Variants in GPR141 observed in about 807,000 individuals in gnomAD.
GPR141 encodes G protein-coupled receptor 141.
GPR141 carries 6 observed loss-of-function variants against 6.8 expected under a neutral mutation model. The observed-to-expected ratio is 0.88, with a 90% CI of 0.48 to 1.74. The LOEUF (loss-of-function observed/expected upper bound fraction) is 1.74. Ranked by LOEUF, GPR141 falls within the 40% of genes most tolerant of loss-of-function variation. The pLI is 0.01. For missense variants in GPR141, 372 were observed against 372.9 expected (o/e 1.00, Z 0.02); for synonymous variants, 140 against 142.3 (o/e 0.98, Z 0.11).
chr7:37,716,265 G>A (rs939458911), intron 2 of GPR141, among the ~76,000 whole-genome samples: 1 of 152,172 alleles, frequency 6.6e-6, no homozygotes, highest in Non-Finnish European at 1.5e-5. Context: ...ATTATGGAGA[G>A]GGAGGAGCTA....
intron 2 of GPR141, among the ~76,000 whole-genome samples, chr7:37,739,929 A>G (rs1812442631): frequency 6.6e-6 from 1 of 152,204 alleles, no homozygotes; most frequent in African/African-American, 2.4e-5. Context: ...TTCTTGGGTC[A>G]TTTGCTAATA....
intron 2 of GPR141, among the ~76,000 whole-genome samples, chr7:37,689,075 C>G (rs1333766293): frequency 6.6e-6 from 1 of 152,154 alleles, no homozygotes; most frequent in African/African-American, 2.4e-5. Context: ...CTTTCCTTCT[C>G]TCAGGCCCCT....
At chr7:37,697,603 C>T (rs1308346139) in intron 2 of GPR141, among the ~76,000 whole-genome samples, 2 of 152,104 alleles carry the variant, frequency 1.3e-5, no homozygotes, top group Admixed American at 1.3e-4. Context: ...GGAGGGAGAT[C>T]AGTGAAGGTG....
intron 2 of GPR141, among the ~76,000 whole-genome samples, chr7:37,707,873 T>A (rs1483206684): frequency 6.6e-6 from 1 of 152,082 alleles, no homozygotes; most frequent in Admixed American, 6.6e-5. Flanking sequence ...AACAATTACA[T>A]TGCAATGCTA....
chr7:37,719,549 A>G (rs979169837), intron 2 of GPR141, among the ~76,000 whole-genome samples: 20 of 152,200 alleles, frequency 1.3e-4, no homozygotes, highest in Non-Finnish European at 2.6e-4. Context: ...AAATGATTCT[A>G]GCAACTTAGT....
At chr7:37,691,645 G>A (rs933446326) in intron 2 of GPR141, among the ~76,000 whole-genome samples, 5 of 152,104 alleles carry the variant, frequency 3.3e-5, no homozygotes, top group African/African-American at 7.2e-5. Flanking sequence ...GCATGTTTTC[G>A]TGATGATTGT....
At chr7:37,736,002 T>C (rs1484210348) in intron 2 of GPR141, among the ~76,000 whole-genome samples, 1 of 152,168 alleles carries the variant, frequency 6.6e-6, no homozygotes, top group Admixed American at 6.5e-5. Flanking sequence ...CTCACACCTG[T>C]AATCCCAGCA....
At chr7:37,728,992 T>G (rs1273306557) in intron 2 of GPR141, among the ~76,000 whole-genome samples, 1 of 152,148 alleles carries the variant, frequency 6.6e-6, no homozygotes, top group African/African-American at 2.4e-5. Flanking sequence ...GTTGTTTAGC[T>G]GTACATTTGG....
Position 37,734,186 on chromosome 7 carries a change from CAATT to C in GPR141, c.-14-6190_-14-6187del, listed in dbSNP as rs536781692. 7.9e-5 allele frequency among the ~76,000 whole-genome samples: 12 copies of C among 152,232 alleles called. No individual in the cohort carries two copies. The East Asian group carries it at 9.7e-4, about 12-fold the overall frequency. ...AGACTGTCCCAACTCATTAATTACTCAATTAATCAATATTAATTATTATGTTGTA... is the reference window on the plus strand; with the variant it reads ...AGACTGTCCCAACTCATTAATTACTCAATCAATATTAATTATTATGTTGTA... On this transcript the variant is annotated intron_variant, in intron 2 of 2. Coordinates refer to ENST00000334425, the MANE Select transcript of GPR141 (RefSeq NM_001381946.1).
rs151135251 is a variant in GPR141 at position 37,692,934 on chromosome 7, C to T, written c.-15+7351C>T. On this transcript the variant is annotated intron_variant, in intron 2 of 2. Coordinates refer to ENST00000334425, the MANE Select transcript of GPR141 (RefSeq NM_001381946.1). ...TGGATAGATTGCAAAAATTTTCTCC[C>T]ATTCTGAAGGTTGTCTTTTCACTCT... Among the ~76,000 whole-genome samples, 69 of 152,286 alleles carry T rather than the reference C, an allele frequency of 4.5e-4. 1 individual carries two copies. Among genetic ancestry groups the T allele is most frequent in the African/African-American group, 1.5e-3 (64 of 41,572 alleles).
At chr7:37,699,720 T>C (rs1190989865) in intron 2 of GPR141, among the ~76,000 whole-genome samples, 1 of 152,264 alleles carries the variant, frequency 6.6e-6, no homozygotes, top group African/African-American at 2.4e-5. Context: ...TTTTTAAAAA[T>C]GTATTGAACA....
At chr7:37,739,137 G>C (rs1272538718) in intron 2 of GPR141, among the ~76,000 whole-genome samples, 1 of 152,140 alleles carries the variant, frequency 6.6e-6, no homozygotes, top group East Asian at 1.9e-4. Flanking sequence ...ATGTGTTTGA[G>C]ATTCATCAGT....
chr7:37,688,936 A>G (rs899928937), intron 2 of GPR141, among the ~76,000 whole-genome samples: 4 of 152,130 alleles, frequency 2.6e-5, no homozygotes, highest in African/African-American at 7.2e-5. Flanking sequence ...CATTTTAAAT[A>G]TTTTACCAGA....
In GPR141 at chr7:37,740,915, T is replaced by A; in HGVS notation, c.522T>A (p.Ala174=). Residue 174 remains alanine, a synonymous_variant, in exon 3 of 3, where the codon GCT becomes GCA. Coordinates refer to ENST00000334425, the MANE Select transcript of GPR141 (RefSeq NM_001381946.1). ...GTTTTAAATTTCACAAAGAGCTTGC[T>A]TACACATATGTGAAAATCATCAACT... The part of the protein sequence containing the change: ...EHCFKFHKEL[A]YTYVKIINYM... The A allele has an allele frequency of 6.2e-7, 1 of 1,614,136 alleles. No individual in the cohort carries two copies. Among genetic ancestry groups the A allele is most frequent in the Non-Finnish European group, 8.5e-7 (1 of 1,179,988 alleles).
intron 2 of GPR141, among the ~76,000 whole-genome samples, chr7:37,712,091 C>G (rs1018616587): frequency 2.0e-5 from 3 of 152,132 alleles, no homozygotes; most frequent in Non-Finnish European, 4.4e-5. Flanking sequence ...TTTCTCATCT[C>G]CCGTTACTTG....
At chr7:37,738,244 G>C (rs2718037) in intron 2 of GPR141, among the ~76,000 whole-genome samples, 32,295 of 152,094 alleles carry the variant, frequency 0.21, 4,171 homozygotes, top group Non-Finnish European at 0.29. Flanking sequence ...CTGAAACATC[G>C]AAGATGTGTT....
chr7:37,713,050 A>G (rs1810883366), intron 2 of GPR141, among the ~76,000 whole-genome samples: 1 of 152,250 alleles, frequency 6.6e-6, no homozygotes, highest in Non-Finnish European at 1.5e-5. Context: ...CCAGAGCCAC[A>G]AGCTAGCACA....
intron 2 of GPR141, among the ~76,000 whole-genome samples, chr7:37,694,691 A>C (rs1415812708): frequency 6.6e-6 from 1 of 152,238 alleles, no homozygotes; most frequent in Non-Finnish European, 1.5e-5. Flanking sequence ...AGATGGGGAA[A>C]GTGCCAGGCT....
intron 2 of GPR141, among the ~76,000 whole-genome samples, chr7:37,726,635 T>G (rs1227081226): frequency 6.6e-6 from 1 of 152,240 alleles, no homozygotes; most frequent in South Asian, 2.1e-4. Context: ...CATATTGTAA[T>G]TTTTTGGATT....
Sources: gnomAD v4.1 joint callset for allele counts (sites outside exome capture counted in the v4.1 genomes callset) on GRCh38, gnomAD v4.1.1 for gene constraint, MANE v1.5 for transcripts, NCBI Gene and HGNC (gene_info 2026-07-23, HGNC 2026-07-21) for gene names.